The following PTPRM variants were observed in gnomAD, a reference collection of about 807,000 sequenced individuals.
The protein encoded by PTPRM is receptor-type tyrosine-protein phosphatase mu.
A neutral mutation model predicts 186.7 loss-of-function variants in PTPRM; 47 were observed. That is an observed-to-expected ratio of 0.25 (90% CI 0.20 to 0.32). PTPRM has a LOEUF of 0.32. Ranked by LOEUF, PTPRM falls within the 10% of genes least tolerant of loss-of-function variation. PTPRM has a pLI of 1.00. For synonymous variants in PTPRM, 668 were observed against 674.9 expected (o/e 0.99, Z 0.16); for missense variants, 1,494 against 1,865.0 (o/e 0.80, Z 3.66).
intron 1 of PTPRM, among the ~76,000 whole-genome samples, chr18:7,677,674 C>T (rs189305779): frequency 6.6e-6 from 1 of 152,128 alleles, no homozygotes; most frequent in African/African-American, 2.4e-5. Flanking sequence ...TGCAACTTCC[C>T]TCCTACTCAC....
At chr18:7,832,288 G>A (rs1477374688) in intron 2 of PTPRM, among the ~76,000 whole-genome samples, 1 of 152,132 alleles carries the variant, frequency 6.6e-6, no homozygotes, top group African/African-American at 2.4e-5. Flanking sequence ...GCCAGCATTT[G>A]TTATTGCCTG....
intron 1 of PTPRM, among the ~76,000 whole-genome samples, chr18:7,678,786 T>C (rs2039409416): frequency 6.6e-6 from 1 of 152,252 alleles, no homozygotes; most frequent in Non-Finnish European, 1.5e-5. Context: ...ATTCTATAGA[T>C]GGATATATCT....
chr18:7,807,702 T>A (rs929658787), intron 2 of PTPRM, among the ~76,000 whole-genome samples: 1 of 152,200 alleles, frequency 6.6e-6, no homozygotes, highest in Non-Finnish European at 1.5e-5. Flanking sequence ...AAATGAAAGA[T>A]AAACATAGCA....
intron 5 of PTPRM, among the ~76,000 whole-genome samples, chr18:7,941,446 A>C (rs2052169048): frequency 6.6e-6 from 1 of 152,224 alleles, no homozygotes; most frequent in Non-Finnish European, 1.5e-5. Context: ...AACTCTATCC[A>C]CTTAACAAAG....
intron 1 of PTPRM, among the ~76,000 whole-genome samples, chr18:7,632,214 G>A (rs749190615): frequency 2.0e-5 from 3 of 152,190 alleles, no homozygotes; most frequent in Non-Finnish European, 4.4e-5. Flanking sequence ...CCTATGATGA[G>A]AACCAGACCA....
intron 7 of PTPRM, chr18:8,049,215 A>G (rs1019682918): frequency 2.0e-5 from 3 of 152,234 alleles, no homozygotes; most frequent in African/African-American, 4.8e-5. Flanking sequence ...AAACAATTCA[A>G]GATTCTAATT....
At chr18:8,404,433 GTACAT>G (rs2095890882) in intron 32 of PTPRM, 1 of 152,182 alleles carries the variant, frequency 6.6e-6, no homozygotes, top group Non-Finnish European at 1.5e-5. Flanking sequence ...GTCATCATGT[GTACAT>G]GTAGCCGACT....
chr18:7,853,231 C>T (rs1045296612), intron 2 of PTPRM, among the ~76,000 whole-genome samples: 5 of 152,126 alleles, frequency 3.3e-5, no homozygotes, highest in Admixed American at 2.0e-4. Context: ...AAATTCAGAC[C>T]ATGTCATTTC....
chr18:7,985,130 A>ATT (rs2082849211), intron 7 of PTPRM, among the ~76,000 whole-genome samples: 1 of 129,880 alleles, frequency 7.7e-6, no homozygotes. Flanking sequence ...TACACATATA[A>ATT]ATATATACAT....
chr18:8,261,627 C>T (rs985208583), intron 19 of PTPRM, among the ~76,000 whole-genome samples: 1 of 152,126 alleles, frequency 6.6e-6, no homozygotes, highest in African/African-American at 2.4e-5. Context: ...CGCCTGCTTT[C>T]GGGGCCTCTT....
intron 1 of PTPRM, among the ~76,000 whole-genome samples, chr18:7,725,813 T>C (rs2040537238): frequency 6.6e-6 from 1 of 152,142 alleles, no homozygotes. Flanking sequence ...TTTACTGTCT[T>C]CAGTTCGTTC....
intron 1 of PTPRM, among the ~76,000 whole-genome samples, chr18:7,658,879 C>G (rs537345601): frequency 6.9e-6 from 1 of 145,874 alleles, no homozygotes; most frequent in South Asian, 2.2e-4. Context: ...ATTCATTCCC[C>G]AGTTCTTGTT....
chr18:7,635,939 G>T lies in PTPRM; in HGVS notation c.73+68048G>T, dbSNP rs373200133. Among the ~76,000 whole-genome samples, 3 of 152,206 alleles carry T rather than the reference G, an allele frequency of 2.0e-5. No individual in the cohort carries two copies. The East Asian group carries it at 5.8e-4, about 29-fold the overall frequency. ...TTGATAGAGTTACCCATTGGGTTAA[G>T]ATTAGTTACTCAGTTTATTTATGTT... On this transcript the variant is annotated intron_variant, in intron 1 of 32. Transcript: ENST00000580170.
chr18:8,240,828 A>AGAGAG (rs879710754), intron 14 of PTPRM, among the ~76,000 whole-genome samples: 391 of 30,960 alleles, frequency 0.013, 23 homozygotes, highest in East Asian at 0.017. Flanking sequence ...GAGAGAGAGA[A>AGAGAG]AGAAAGAAAG....
intron 1 of PTPRM, among the ~76,000 whole-genome samples, chr18:7,640,839 C>T (rs1470627902): frequency 6.6e-6 from 1 of 152,086 alleles, no homozygotes; most frequent in South Asian, 2.1e-4. Context: ...AGATTGTCTA[C>T]TTAGTTTTCA....
chr18:8,133,434 A>G (rs1356211074), intron 13 of PTPRM, among the ~76,000 whole-genome samples: 1 of 152,220 alleles, frequency 6.6e-6, no homozygotes, highest in Non-Finnish European at 1.5e-5. Flanking sequence ...TGTTTAGTGT[A>G]TGACATAAAG....
intron 7 of PTPRM, among the ~76,000 whole-genome samples, chr18:8,066,877 G>A (rs1316188354): frequency 1.3e-5 from 2 of 152,158 alleles, no homozygotes; most frequent in Non-Finnish European, 2.9e-5. Context: ...TATGGGAAAT[G>A]TGAGACATAA....
chr18:8,304,823 T>C (rs1175927471), intron 20 of PTPRM, among the ~76,000 whole-genome samples: 2 of 1,596 alleles, frequency 1.3e-3, no homozygotes, highest in Non-Finnish European at 0.021. Context: ...TTGACTTTAT[T>C]TTTTTTTTTT....
At chr18:8,163,290 AT>A (rs1015063758) in intron 14 of PTPRM, among the ~76,000 whole-genome samples, 79 of 150,746 alleles carry the variant, frequency 5.2e-4, no homozygotes, top group African/African-American at 1.7e-3. Context: ...TAAAGTTGTG[AT>A]TTTTTTTTTA....
Sources: allele counts gnomAD v4.1 joint callset (sites outside exome capture counted in the v4.1 genomes callset), GRCh38; gene constraint gnomAD v4.1.1; transcripts MANE v1.5; gene names NCBI Gene and HGNC (gene_info 2026-07-23, HGNC 2026-07-21).